The following CPQ variants were observed in gnomAD, a reference collection of about 807,000 sequenced individuals.
CPQ encodes the protein Ser-Met dipeptidase.
Under a neutral mutation model 45.7 loss-of-function variants are expected in CPQ, and 37 were observed. That is an observed-to-expected ratio of 0.81 (90% CI 0.62 to 1.07). The LOEUF is 1.07. CPQ is among the 50% of genes least tolerant of loss of function. The probability of loss-of-function intolerance (pLI) is 0.00; values close to 1 mark genes in which losing one functional copy is unlikely to be tolerated. For synonymous variants in CPQ, 186 were observed against 205.8 expected (o/e 0.90, Z 0.82); for missense variants, 537 against 572.9 (o/e 0.94, Z 0.64).
At chr8:96,756,607 CTCTT>C (rs1325114442) in intron 1 of CPQ, among the ~76,000 whole-genome samples, 2 of 152,102 alleles carry the variant, frequency 1.3e-5, no homozygotes, top group South Asian at 2.1e-4. Flanking sequence ...AATGGATTTT[CTCTT>C]TCTATTTTAA....
intron 1 of CPQ, among the ~76,000 whole-genome samples, chr8:96,663,349 T>C (rs1808872296): frequency 6.6e-6 from 1 of 152,244 alleles, no homozygotes; most frequent in Admixed American, 6.5e-5. Flanking sequence ...AAATGTCCAA[T>C]TAAACACTTG....
At chr8:97,044,149 A>G (rs984188857) in intron 6 of CPQ, among the ~76,000 whole-genome samples, 1 of 152,198 alleles carries the variant, frequency 6.6e-6, no homozygotes, top group Non-Finnish European at 1.5e-5. Flanking sequence ...GTCTTTTCAC[A>G]TAGTCCCCTA....
chr8:97,074,857 G>A (rs535986406), intron 7 of CPQ, among the ~76,000 whole-genome samples: 44 of 152,162 alleles, frequency 2.9e-4, no homozygotes, highest in East Asian at 9.7e-4. Flanking sequence ...CTGTGGGGCC[G>A]GAAAGGAAAG....
chr8:97,101,680 G>C (rs2130580685), intron 7 of CPQ, among the ~76,000 whole-genome samples: 1 of 148,918 alleles, frequency 6.7e-6, no homozygotes, highest in Non-Finnish European at 1.5e-5. Flanking sequence ...GCCAATACCA[G>C]AGATCAGAGT....
intron 6 of CPQ, among the ~76,000 whole-genome samples, chr8:97,060,659 T>G (rs970084076): frequency 1.3e-5 from 2 of 152,178 alleles, no homozygotes; most frequent in African/African-American, 4.8e-5. Flanking sequence ...CAATAAAGCA[T>G]TCAGCCTCTA....
chr8:97,062,264 G>C (rs1810563388), intron 6 of CPQ, among the ~76,000 whole-genome samples: 1 of 152,112 alleles, frequency 6.6e-6, no homozygotes, highest in Non-Finnish European at 1.5e-5. Flanking sequence ...CATTATTCAA[G>C]CTTTTGTCCC....
At chr8:96,842,193 T>C (rs1811622720) in intron 3 of CPQ, among the ~76,000 whole-genome samples, 1 of 152,172 alleles carries the variant, frequency 6.6e-6, no homozygotes, top group African/African-American at 2.4e-5. Flanking sequence ...CTCCCTTTGT[T>C]TTTTAATGGG....
intron 7 of CPQ, among the ~76,000 whole-genome samples, chr8:97,109,695 C>T (rs1811467425): frequency 6.6e-6 from 1 of 151,730 alleles, no homozygotes; most frequent in Admixed American, 6.6e-5. Context: ...ATGATTATTC[C>T]CCTTCTCTTT....
chr8:96,695,517 GA>G (rs1315966116), intron 1 of CPQ, among the ~76,000 whole-genome samples: 3 of 152,160 alleles, frequency 2.0e-5, no homozygotes. Flanking sequence ...TACAAAATGA[GA>G]GAAAATTTTC....
chr8:96,931,833 G>A (rs1812979373), intron 4 of CPQ, among the ~76,000 whole-genome samples: 2 of 152,150 alleles, frequency 1.3e-5, no homozygotes, highest in Non-Finnish European at 2.9e-5. Flanking sequence ...GCATCAGATA[G>A]CATCTTGATA....
chr8:96,795,202 A>T (rs1311840724), intron 2 of CPQ, among the ~76,000 whole-genome samples: 1 of 152,218 alleles, frequency 6.6e-6, no homozygotes, highest in Non-Finnish European at 1.5e-5. Flanking sequence ...CTAGACTTAC[A>T]GTTCCACATG....
At chr8:96,736,172 G>A (rs1809980492) in intron 1 of CPQ, among the ~76,000 whole-genome samples, 1 of 152,176 alleles carries the variant, frequency 6.6e-6, no homozygotes, top group Non-Finnish European at 1.5e-5. Context: ...TCTTATGATG[G>A]AGTACTACCA....
At position 97,043,997 on chromosome 8, in the gene CPQ, G is replaced by C. The variant is rs1042675672; in HGVS notation, c.1053+14503G>C. On this transcript the variant is annotated intron_variant, in intron 6 of 7. Transcript: ENST00000220763. The stretch of plus-strand genomic sequence containing the variant: ...TCTTCTCAAGGAGTATCTTTGTGGC[G>C]TTCTCTATATTTCCTGAATCTGAAT... 2.0e-5 allele frequency among the ~76,000 whole-genome samples: 3 copies of C among 152,050 alleles called. 1 individual carries two copies. Among genetic ancestry groups the C allele is most frequent in the African/African-American group, 7.2e-5 (3 of 41,380 alleles).
At chr8:96,796,110 C>T (rs1422659340) in intron 2 of CPQ, among the ~76,000 whole-genome samples, 2 of 151,986 alleles carry the variant, frequency 1.3e-5, no homozygotes, top group Non-Finnish European at 2.9e-5. Context: ...CCAGATTGTA[C>T]ACACCTATTC....
At chr8:97,138,581 T>A (rs1453826528) in intron 7 of CPQ, among the ~76,000 whole-genome samples, 1 of 152,206 alleles carries the variant, frequency 6.6e-6, no homozygotes, top group African/African-American at 2.4e-5. Context: ...TAATTGCCTT[T>A]TAATAATACA....
At chr8:97,063,263 C>T (rs1189499205) in intron 6 of CPQ, among the ~76,000 whole-genome samples, 1 of 152,108 alleles carries the variant, frequency 6.6e-6, no homozygotes, top group African/African-American at 2.4e-5. Context: ...TGCTTGTTGG[C>T]CACACGTATG....
Position 97,115,579 on chromosome 8 carries a change from C to T in CPQ, c.1256-27441C>T, listed in dbSNP as rs999836009. ...CGTCTGTGCCATTTTTAAATTTGTT[C>T]TCGAAATAGTTGATCAGTACCTGAC... On this transcript the variant is annotated intron_variant, in intron 7 of 7. Transcript: ENST00000220763. Among the ~76,000 whole-genome samples, 12 of 152,288 alleles carry T rather than the reference C, an allele frequency of 7.9e-5. 1 individual carries two copies. Among genetic ancestry groups the T allele is most frequent in the Admixed American group, 7.2e-4 (11 of 15,302 alleles).
intron 1 of CPQ, among the ~76,000 whole-genome samples, chr8:96,702,331 C>T (rs899388974): frequency 1.3e-5 from 2 of 152,002 alleles, no homozygotes; most frequent in Middle Eastern, 3.4e-3. Context: ...GTGGGCCTCC[C>T]GAAGGCCCGA....
intron 1 of CPQ, among the ~76,000 whole-genome samples, chr8:96,751,997 T>A (rs1349847657): frequency 6.6e-6 from 1 of 152,092 alleles, no homozygotes; most frequent in East Asian, 1.9e-4. Context: ...ATTCTATGTG[T>A]CTGTTTTTTG....
Sources: allele counts gnomAD v4.1 joint callset (sites outside exome capture counted in the v4.1 genomes callset), GRCh38; gene constraint gnomAD v4.1.1; transcripts MANE v1.5; gene names NCBI Gene and HGNC (gene_info 2026-07-23, HGNC 2026-07-21).